SMCHD1: variants seen among roughly 807,000 people sequenced by gnomAD.
The protein encoded by SMCHD1 is structural maintenance of chromosomes flexible hinge domain containing 1.
In SMCHD1, 78 loss-of-function variants were observed where a neutral mutation model predicts 254.7. That is an observed-to-expected ratio of 0.31 (90% CI 0.26 to 0.37). The LOEUF (loss-of-function observed/expected upper bound fraction) is 0.37. Ranked by LOEUF, SMCHD1 falls within the 10% of genes least tolerant of loss-of-function variation. The pLI is 1.00. For missense variants in SMCHD1, 1,840 were observed against 2,408.1 expected (o/e 0.76, Z 4.94); for synonymous variants, 766 against 794.9 (o/e 0.96, Z 0.61).
rs2076413564 is a variant in SMCHD1, at chr18:2,804,506, T to C, written c.*1954T>C. The C allele has an allele frequency of 6.6e-6, 1 of 150,422 alleles. No individual in the cohort carries two copies. Among genetic ancestry groups the C allele is most frequent in the South Asian group, 2.1e-4 (1 of 4,706 alleles). The allele number at this position is 150,422 out of a possible 1,614,324, so 9.3% of individuals were successfully genotyped here. A position where few individuals can be genotyped will look rare whatever the true frequency, so the allele number is the denominator to read the frequency against. On this transcript the variant is annotated 3_prime_UTR_variant, in exon 48 of 48. Coordinates refer to ENST00000320876, the MANE Select transcript of SMCHD1 (RefSeq NM_015295.3). The stretch of plus-strand genomic sequence containing the variant: ...GCCCATATCTGTACACTTTTGTTCA[T>C]TTTATAATACCAGAAAGAATGTTCT...
rs2076410399 is a variant in SMCHD1 at position 2,804,177 on chromosome 18, A to G, written c.*1625A>G. 2.0e-5 allele frequency: 3 copies of G among 152,340 alleles called. No homozygotes were observed. The highest frequency in any genetic ancestry group is 2.0e-4 in the Admixed American group (3 of 15,296). 9.4% of individuals were successfully genotyped at this position (152,340 alleles called of 1,614,324 possible). ...GAACGTATAATTAATATGTGGAACTAGTTTGCTTTTATAATTCATTGTATC... is the reference window on the plus strand; with the variant it reads ...GAACGTATAATTAATATGTGGAACTGGTTTGCTTTTATAATTCATTGTATC... On this transcript the variant is annotated 3_prime_UTR_variant, in exon 48 of 48. Transcript: ENST00000320876.
intron 9 of SMCHD1, among the ~76,000 whole-genome samples, chr18:2,697,513 G>A (rs970175378): frequency 6.6e-6 from 1 of 152,166 alleles, no homozygotes; most frequent in African/African-American, 2.4e-5. Context: ...TAACCCACAC[G>A]TTAGAATTTC....
Position 2,725,010 on chromosome 18 carries a change from T to C in SMCHD1, c.2700+15T>C, listed in dbSNP as rs1311015861. 3 of 1,425,310 alleles carry C rather than the reference T, an allele frequency of 2.1e-6. No individual in the cohort carries two copies. The highest frequency in any genetic ancestry group is 1.3e-5 in the South Asian group (1 of 75,448). The allele number at this position is 1,425,310 out of a possible 1,614,324, so 88.3% of individuals were successfully genotyped here. ...GTCAAGGCAAGGTAAGCATTATGTA[T>C]AGATCCTATGATACTTGTTAAGTAT... On this transcript the variant is annotated intron_variant, in intron 21 of 47. Coordinates refer to ENST00000320876, the MANE Select transcript of SMCHD1 (RefSeq NM_015295.3).
chr18:2,766,642 CT>C (rs1568342732), intron 37 of SMCHD1, among the ~76,000 whole-genome samples: 3 of 152,148 alleles, frequency 2.0e-5, no homozygotes, highest in African/African-American at 7.2e-5. Flanking sequence ...CACATTATTG[CT>C]TTGTTTAAAG....
At chr18:2,747,423 A>G (rs2075476152) in intron 29 of SMCHD1, 99 bp from the exon 30 acceptor site, 1 of 1,084,542 alleles carries the variant, frequency 9.2e-7, no homozygotes, top group African/African-American at 1.6e-5. Flanking sequence ...TGCAAATAGA[A>G]CAGAGATAAA....
chr18:2,658,421 T>C (rs1389845912), intron 1 of SMCHD1, among the ~76,000 whole-genome samples: 7 of 152,248 alleles, frequency 4.6e-5, no homozygotes, highest in Non-Finnish European at 8.8e-5. Flanking sequence ...CATTCTGTTA[T>C]ACTACTCAAA....
chr18:2,739,605 G>C, intron 27 of SMCHD1, 85 bp downstream of exon 27: 1 of 998,686 alleles, frequency 1.0e-6, no homozygotes, highest in Non-Finnish European at 1.5e-6. Context: ...TACCTAATCT[G>C]AAAGGAAAGC....
At position 2,688,165 on chromosome 18, in the gene SMCHD1, C is replaced by A. The variant is rs1561820; in HGVS notation, c.639-229C>A. On this transcript the variant is annotated intron_variant, in intron 5 of 47. Transcript: ENST00000320876. ...TTTTCTGATTTAGTAGGATTGAGCC[C>A]AAGAGTTTGCATTTCTTAAAAGTTT... 0.2 allele frequency among the ~76,000 whole-genome samples: 30,914 copies of A among 152,100 alleles called. 3,385 individuals are homozygous for A. The highest frequency in any genetic ancestry group is 0.33 in the South Asian group (1,581 of 4,832).
In SMCHD1 at chr18:2,694,694, G is replaced by A. The variant is rs1245372794; in HGVS notation, c.1040+1G>A. Reference sequence around the variant, plus strand: ...TCCACCTTTGGACACGACAGTTAGCGTAAGTAATTATATTTGGCTTAGGAA... The same window carrying A: ...TCCACCTTTGGACACGACAGTTAGCATAAGTAATTATATTTGGCTTAGGAA... On this transcript the variant is annotated splice_donor_variant, in intron 8 of 47. Coordinates refer to ENST00000320876, the MANE Select transcript of SMCHD1 (RefSeq NM_015295.3). LOFTEE classifies it high-confidence loss of function. The A allele has an allele frequency of 3.7e-6, 6 of 1,609,140 alleles. No individual in the cohort carries two copies. Among genetic ancestry groups the A allele is most frequent in the Non-Finnish European group, 4.2e-6 (5 of 1,178,366 alleles).
chr18:2,784,668 TC>T, intron 45 of SMCHD1, 47 bp downstream of exon 45: 1 of 1,471,172 alleles, frequency 6.8e-7, no homozygotes, highest in Non-Finnish European at 9.1e-7. Context: ...TTAATTTTAC[TC>T]TTATTTTTCT....
At chr18:2,684,999 T>C (rs890395619) in intron 5 of SMCHD1, among the ~76,000 whole-genome samples, 6 of 151,842 alleles carry the variant, frequency 4.0e-5, no homozygotes, top group Non-Finnish European at 8.8e-5. Flanking sequence ...CTCTCCTTAA[T>C]GTAAAAAGGC....
chr18:2,742,670 A>C (rs1156740962), intron 28 of SMCHD1, among the ~76,000 whole-genome samples: 4 of 152,002 alleles, frequency 2.6e-5, no homozygotes, highest in Non-Finnish European at 5.9e-5. Context: ...TTTCTCTCTG[A>C]TTTATTTATT....
intron 5 of SMCHD1, among the ~76,000 whole-genome samples, chr18:2,679,543 A>G (rs899668631): frequency 2.0e-4 from 30 of 147,200 alleles, no homozygotes; most frequent in Admixed American, 1.6e-3. Context: ...CACTTTGAAT[A>G]TGTTCGTTCA....
At chr18:2,710,078 G>A (rs543198) in intron 17 of SMCHD1, among the ~76,000 whole-genome samples, 50,106 of 152,018 alleles carry the variant, frequency 0.33, 9,966 homozygotes, top group Non-Finnish European at 0.45. Flanking sequence ...TTTGCATATG[G>A]TTAACTTCTT....
intron 22 of SMCHD1, among the ~76,000 whole-genome samples, chr18:2,728,139 GT>G (rs1377387101): frequency 1.3e-5 from 2 of 151,970 alleles, no homozygotes; most frequent in African/African-American, 4.8e-5. Flanking sequence ...TGTTATTTTT[GT>G]TTTTGAATAC....
At chr18:2,756,854 C>G (rs1466601921) in intron 34 of SMCHD1, among the ~76,000 whole-genome samples, 1 of 151,978 alleles carries the variant, frequency 6.6e-6, no homozygotes. Flanking sequence ...TTGTTCATAC[C>G]GTTCTGTTTA....
chr18:2,790,957 A>G (rs1335896928), intron 45 of SMCHD1, among the ~76,000 whole-genome samples: 2 of 152,242 alleles, frequency 1.3e-5, no homozygotes, highest in Non-Finnish European at 2.9e-5. Flanking sequence ...TGGAAAGGAA[A>G]TAAAATGGTA....
intron 5 of SMCHD1, among the ~76,000 whole-genome samples, chr18:2,676,554 C>CAT (rs1314320056): frequency 2.6e-5 from 4 of 152,102 alleles, no homozygotes; most frequent in African/African-American, 9.7e-5. Flanking sequence ...GTGACTGTAG[C>CAT]ATAGTAGATA....
intron 45 of SMCHD1, among the ~76,000 whole-genome samples, chr18:2,785,886 G>T (rs1174194839): frequency 6.6e-6 from 1 of 152,040 alleles, no homozygotes; most frequent in Non-Finnish European, 1.5e-5. Context: ...ATTTCACTTG[G>T]CATAATGTCC....
Sources: allele counts gnomAD v4.1 joint callset (sites outside exome capture counted in the v4.1 genomes callset), GRCh38; gene constraint gnomAD v4.1.1; transcripts MANE v1.5; gene names NCBI Gene and HGNC (gene_info 2026-07-23, HGNC 2026-07-21).